RBFOX1: variants seen among roughly 807,000 people sequenced by gnomAD.
RBFOX1 encodes RNA binding protein fox-1 homolog 1.
In RBFOX1, 8 loss-of-function variants were observed where a neutral mutation model predicts 57.7. The ratio of observed to expected loss-of-function variants is 0.14; its 90% confidence interval spans 0.08 to 0.25. The LOEUF (loss-of-function observed/expected upper bound fraction) is 0.25. Among genes scored for constraint, RBFOX1 ranks in the 10% least tolerant of loss-of-function variants. RBFOX1 has a pLI of 1.00. For synonymous variants in RBFOX1, 326 were observed against 222.4 expected, an observed-to-expected ratio of 1.47 and a Z score of -4.15; for missense variants, 611 against 548.5, an observed-to-expected ratio of 1.11 and a Z score of -1.14.
intron 3 of RBFOX1, among the ~76,000 whole-genome samples, chr16:5,652,761 C>G (rs181932986): frequency 6.6e-6 from 1 of 152,342 alleles, no homozygotes; most frequent in African/African-American, 2.4e-5. Flanking sequence ...GACTTGAATT[C>G]AGATTCTGGT....
chr16:5,828,759 G>A (rs1476612440), intron 3 of RBFOX1, among the ~76,000 whole-genome samples: 2 of 152,160 alleles, frequency 1.3e-5, no homozygotes, highest in South Asian at 2.1e-4. Flanking sequence ...TTCAGCAGAG[G>A]GTGGAGTGTG....
Position 7,029,046 on chromosome 16 carries a change from CTATATATATA to C in RBFOX1, c.-15-22984_-15-22975del, listed in dbSNP as rs1225538161. Among the ~76,000 whole-genome samples the C allele has an allele frequency of 5.1e-4, 23 of 45,206 alleles. 1 individual carries two copies. The highest frequency in any genetic ancestry group is 1.7e-3 in the African/African-American group (12 of 6,868). 29.7% of individuals were successfully genotyped at this position (45,206 alleles called of 152,430 possible). ...TAAGCATAAAACAGAAAAAAAAAAG[CTATATATATA>C]TATATATATATATATATATATATAT... On this transcript the variant is annotated intron_variant, in intron 3 of 15. Coordinates refer to ENST00000550418, the MANE Select transcript of RBFOX1 (RefSeq NM_018723.4).
At chr16:7,706,516 G>T (rs2082491218) in intron 14 of RBFOX1, among the ~76,000 whole-genome samples, 1 of 152,094 alleles carries the variant, frequency 6.6e-6, no homozygotes, top group Non-Finnish European at 1.5e-5. Flanking sequence ...CATTCAAATT[G>T]CCCATATAGT....
At chr16:7,575,127 G>A (rs914139201) in intron 5 of RBFOX1, among the ~76,000 whole-genome samples, 4 of 151,982 alleles carry the variant, frequency 2.6e-5, no homozygotes, top group African/African-American at 9.7e-5. Flanking sequence ...TTTAGGATGG[G>A]CTCAACAATT....
chr16:5,985,462 G>T (rs1049995092), intron 4 of RBFOX1, among the ~76,000 whole-genome samples: 3 of 152,280 alleles, frequency 2.0e-5, no homozygotes, highest in Admixed American at 2.0e-4. Context: ...ATGAGGCACA[G>T]AGGAGTTAAG....
At chr16:6,573,001 A>C (rs1056271566) in intron 2 of RBFOX1, among the ~76,000 whole-genome samples, 6 of 152,184 alleles carry the variant, frequency 3.9e-5, no homozygotes, top group African/African-American at 1.4e-4. Context: ...AAGTCTAGTC[A>C]GGGATCACTC....
intron 2 of RBFOX1, among the ~76,000 whole-genome samples, chr16:6,401,791 A>G (rs2093079865): frequency 6.6e-6 from 1 of 152,160 alleles, no homozygotes; most frequent in Non-Finnish European, 1.5e-5. Context: ...TAGTTTATTT[A>G]AAATAGAAAA....
At chr16:6,522,828 G>T (rs779921495) in intron 2 of RBFOX1, among the ~76,000 whole-genome samples, 1 of 151,944 alleles carries the variant, frequency 6.6e-6, no homozygotes, top group Non-Finnish European at 1.5e-5. Context: ...AGGTTTTGTG[G>T]GGTATAGCCC....
chr16:6,559,297 TCA>T (rs1269254023), intron 2 of RBFOX1, among the ~76,000 whole-genome samples: 1 of 152,126 alleles, frequency 6.6e-6, no homozygotes, highest in Non-Finnish European at 1.5e-5. Flanking sequence ...ATTCATTCTC[TCA>T]GTCTATTTCT....
intron 2 of RBFOX1, among the ~76,000 whole-genome samples, chr16:6,624,540 T>C (rs568219223): frequency 5.9e-5 from 9 of 152,262 alleles, no homozygotes; most frequent in South Asian, 4.2e-4. Flanking sequence ...TAGAGTGATA[T>C]TTTGTCCCTT....
At chr16:6,616,913 T>C (rs1442453238) in intron 2 of RBFOX1, among the ~76,000 whole-genome samples, 1 of 152,200 alleles carries the variant, frequency 6.6e-6, no homozygotes, top group Non-Finnish European at 1.5e-5. Context: ...ACAGTCATGC[T>C]CATTTGTTTA....
chr16:5,556,548 C>G (rs1365228856), intron 2 of RBFOX1, among the ~76,000 whole-genome samples: 1 of 152,196 alleles, frequency 6.6e-6, no homozygotes, highest in Non-Finnish European at 1.5e-5. Flanking sequence ...TGACAGCTCT[C>G]CAAGACGGCT....
intron 4 of RBFOX1, among the ~76,000 whole-genome samples, chr16:7,056,462 C>A (rs1206785471): frequency 2.0e-5 from 3 of 152,174 alleles, no homozygotes; most frequent in Non-Finnish European, 4.4e-5. Flanking sequence ...TATTTACCAG[C>A]TTGTTCTAGC....
At chr16:6,963,613 G>A (rs1007915440) in intron 3 of RBFOX1, among the ~76,000 whole-genome samples, 18 of 152,260 alleles carry the variant, frequency 1.2e-4, no homozygotes, top group African/African-American at 4.1e-4. Context: ...AAAACTGTGG[G>A]GATAGTAAAA....
chr16:5,934,461 A>G (rs1194681672), intron 4 of RBFOX1, among the ~76,000 whole-genome samples: 1 of 152,248 alleles, frequency 6.6e-6, no homozygotes, highest in South Asian at 2.1e-4. Context: ...AGAAATACAT[A>G]AAGTATGAGG....
intron 3 of RBFOX1, among the ~76,000 whole-genome samples, chr16:5,630,587 G>A (rs756411188): frequency 6.6e-6 from 1 of 152,170 alleles, no homozygotes; most frequent in African/African-American, 2.4e-5. Context: ...ACTGGCGGGT[G>A]GCTTTCATGA....
intron 1 of RBFOX1, among the ~76,000 whole-genome samples, chr16:5,335,124 A>T (rs8046089): frequency 6.6e-6 from 1 of 152,142 alleles, no homozygotes; most frequent in Non-Finnish European, 1.5e-5. Context: ...GCGAAGACTG[A>T]ATATTATAAA....
intron 3 of RBFOX1, among the ~76,000 whole-genome samples, chr16:5,811,914 G>A (rs926215195): frequency 6.6e-6 from 1 of 152,120 alleles, no homozygotes; most frequent in African/African-American, 2.4e-5. Context: ...TATCTCATTT[G>A]TAGTTAATCT....
intron 2 of RBFOX1, among the ~76,000 whole-genome samples, chr16:6,627,776 A>G (rs6500805): frequency 0.63 from 95,954 of 151,960 alleles, 31,018 homozygotes; most frequent in South Asian, 0.8. Context: ...TCGAAACTGA[A>G]GCCAATTGAT....
Sources: allele counts gnomAD v4.1 joint callset (sites outside exome capture counted in the v4.1 genomes callset), GRCh38; gene constraint gnomAD v4.1.1; transcripts MANE v1.5; gene names NCBI Gene and HGNC (gene_info 2026-07-23, HGNC 2026-07-21).